Variants in ZZEF1 observed in about 807,000 individuals in gnomAD.
ZZEF1 encodes the protein zinc finger ZZ-type and EF-hand domain containing 1, also known as zinc finger ZZ-type and EF-hand domain-containing protein 1.
Under a neutral mutation model 342.8 loss-of-function variants are expected in ZZEF1, and 157 were observed. The observed-to-expected ratio is 0.46, with a 90% CI of 0.40 to 0.52. ZZEF1 has a LOEUF of 0.52. Ranked by LOEUF, ZZEF1 falls within the 20% of genes least tolerant of loss-of-function variation. The pLI is 0.00. For synonymous variants in ZZEF1, 1,505 were observed against 1,429.1 expected (o/e 1.05, Z -1.20); for missense variants, 3,480 against 3,725.6 (o/e 0.93, Z 1.72).
chr17:4,119,165 G>A (rs969768100), intron 2 of ZZEF1, among the ~76,000 whole-genome samples: 1 of 152,216 alleles, frequency 6.6e-6, no homozygotes, highest in Non-Finnish European at 1.5e-5. Context: ...GTGTTAATTT[G>A]CTCAAGCAAT....
At chr17:4,044,161 A>T in intron 38 of ZZEF1, 63 bp downstream of exon 38, 1 of 1,571,542 alleles carries the variant, frequency 6.4e-7, no homozygotes, top group Non-Finnish European at 8.7e-7. Flanking sequence ...CAAACAGCTC[A>T]GGGATGGGTA....
intron 2 of ZZEF1, 131 bp downstream of exon 2, chr17:4,123,776 A>T: frequency 9.7e-7 from 1 of 1,026,734 alleles, no homozygotes; most frequent in South Asian, 1.9e-5. Context: ...GGAAATGCTA[A>T]TTCAGATCGG....
intron 38 of ZZEF1, 89 bp from the exon 39 acceptor site, chr17:4,042,657 T>C: frequency 7.7e-7 from 1 of 1,295,866 alleles, no homozygotes; most frequent in Non-Finnish European, 1.1e-6. Context: ...CCTGTGCTGC[T>C]ACGGAATAAA....
chr17:4,114,262 A>C (rs773301447), intron 4 of ZZEF1, 37 bp downstream of exon 4: 1 of 1,462,636 alleles, frequency 6.8e-7, no homozygotes, highest in South Asian at 1.5e-5. Flanking sequence ...AACAATCCAA[A>C]ATTTTAAAAA....
intron 2 of ZZEF1, among the ~76,000 whole-genome samples, chr17:4,120,686 A>T (rs2145533960): frequency 6.6e-6 from 1 of 152,320 alleles, no homozygotes; most frequent in African/African-American, 2.4e-5. Context: ...CATGCCTGTA[A>T]TCCCCACATT....
chr17:4,016,670 CCTTTCAGAATGATGCTACTTAGAGGTGG>C lies in ZZEF1; in HGVS notation c.8002-232_8002-205del. 1.8e-6 allele frequency: 1 copy of C among 556,710 alleles called. No homozygotes were observed. Among genetic ancestry groups the C allele is most frequent in the Non-Finnish European group, 3.1e-6 (1 of 317,960 alleles). 34.5% of individuals were successfully genotyped at this position (556,710 alleles called of 1,614,324 possible). A position where few individuals can be genotyped will look rare whatever the true frequency, so the allele number is the denominator to read the frequency against. ...TTGGTGTCAATCAGGACACTGCAGT[CCTTTCAGAATGATGCTACTTAGAGGTGG>C]TCTGAAAGAACTAACTGAACCAATC... On this transcript the variant is annotated intron_variant, in intron 48 of 54. Transcript: ENST00000381638. This position sits in a 1 kb window ranked among gnomAD's most constrained non-coding sequence, Gnocchi z 4.4.
At chr17:4,013,725 C>T in intron 51 of ZZEF1, 111 bp from the exon 52 acceptor site, 4 of 1,221,786 alleles carry the variant, frequency 3.3e-6, no homozygotes, top group Non-Finnish European at 4.4e-6. Flanking sequence ...ATTTTATAAA[C>T]TGCTCAAATT....
rs758597335 is a variant in ZZEF1, at chr17:4,087,414, T to C, written c.2342+20A>G. On this transcript the variant is annotated intron_variant, in intron 14 of 54. Coordinates refer to ENST00000381638, the MANE Select transcript of ZZEF1 (RefSeq NM_015113.4). Reference sequence around the variant, plus strand: ...TTTTCAGTTTATGTGCTTATCACCTTATAACAAATTCTGACCTACTTTTGC... The same window carrying C: ...TTTTCAGTTTATGTGCTTATCACCTCATAACAAATTCTGACCTACTTTTGC... 6.3e-7 allele frequency: 1 copy of C among 1,586,602 alleles called. No individual in the cohort carries two copies. The highest frequency in any genetic ancestry group is 8.6e-7 in the Non-Finnish European group (1 of 1,162,196).
chr17:4,009,096 T>C, intron 53 of ZZEF1, 142 bp from the exon 54 acceptor site: 4 of 1,038,460 alleles, frequency 3.9e-6, no homozygotes, highest in South Asian at 3.2e-5. Flanking sequence ...CGCGTGGCAC[T>C]GCCTTGCTCA....
chr17:4,122,152 T>C (rs907265004), intron 2 of ZZEF1, among the ~76,000 whole-genome samples: 3 of 152,118 alleles, frequency 2.0e-5, no homozygotes, highest in South Asian at 2.1e-4. Flanking sequence ...TTTGCCTCCA[T>C]TGCTGCCCTA....
At position 4,081,456 on chromosome 17, in the gene ZZEF1, C is replaced by T; in HGVS notation, c.2749G>A (p.Glu917Lys). 6.2e-7 allele frequency: 1 copy of T among 1,614,096 alleles called. No individual in the cohort carries two copies. Among genetic ancestry groups the T allele is most frequent in the Non-Finnish European group, 8.5e-7 (1 of 1,180,010 alleles). ...TTCATCTTGGCCAGGTCGTTCTTCT[C>T]AGGTAAAAGAAGAAGGCCGCCTGGA... ...KDPGGLLLLP[E>K]KNDLAKMNIS... The change falls in exon 18 of 55, where the codon GAG becomes AAG. Residue 917 changes from glutamate (E) to lysine (K), a missense_variant. Glu to Lys is a moderately conservative substitution (Grantham distance 56). Around this residue, in one of 5 missense-constraint regions of ZZEF1, gnomAD observed 1,528 missense variants for 1,624.1 expected, o/e 0.94. Coordinates refer to ENST00000381638, the MANE Select transcript of ZZEF1 (RefSeq NM_015113.4).
At chr17:4,053,895 T>C (rs1297122509) in intron 34 of ZZEF1, among the ~76,000 whole-genome samples, 162 bp downstream of exon 34, 1 of 152,150 alleles carries the variant, frequency 6.6e-6, no homozygotes, top group Non-Finnish European at 1.5e-5. Context: ...GAGCTTTTCA[T>C]TTAGTTGAGG....
rs745423949 is a variant in ZZEF1 at position 4,087,467 on chromosome 17, A to T, written c.2309T>A (p.Ile770Asn). The T allele has an allele frequency of 1.7e-5, 27 of 1,611,816 alleles. No homozygotes were observed. Among genetic ancestry groups the T allele is most frequent in the Non-Finnish European group, 2.3e-5 (27 of 1,179,472 alleles). The change falls in exon 14 of 55, where the codon ATC (isoleucine) becomes AAC (asparagine). Residue 770 changes from isoleucine (I) to asparagine (N), a missense_variant. This residue lies in a region of ZZEF1 where 1,528 missense variants were observed against 1,624.1 expected (regional missense o/e 0.94). Coordinates refer to ENST00000381638, the MANE Select transcript of ZZEF1 (RefSeq NM_015113.4). The part of the protein sequence containing the change: ...FLDFAGLDLQ[I>N]FWNFYSKLKQ... ...TAATTTACTGTAAAAATTCCAGAAG[A>T]TCTGCAAATCAAGACCCGCGAAGTC...
At chr17:4,064,242 A>G in intron 29 of ZZEF1, 119 bp downstream of exon 29, 1 of 828,216 alleles carries the variant, frequency 1.2e-6, no homozygotes, top group South Asian at 2.4e-5. Context: ...TTCTAAAACA[A>G]GTCTTGATCT....
intron 43 of ZZEF1, among the ~76,000 whole-genome samples, chr17:4,024,108 T>C (rs1011613251): frequency 4.0e-5 from 6 of 151,102 alleles, no homozygotes; most frequent in Admixed American, 2.6e-4. Context: ...TGAAAAATCA[T>C]TCCTCCCAAT....
At chr17:4,032,770 T>G in intron 41 of ZZEF1, 58 bp downstream of exon 41, 1 of 1,568,388 alleles carries the variant, frequency 6.4e-7, no homozygotes, top group East Asian at 2.3e-5. Flanking sequence ...GAGGCTTTGG[T>G]GTGTATAGTG....
chr17:4,140,884 A>AT (rs1331868911), intron 1 of ZZEF1, among the ~76,000 whole-genome samples: 1 of 150,800 alleles, frequency 6.6e-6, no homozygotes, highest in Non-Finnish European at 1.5e-5. Context: ...GGAAAAAAAA[A>AT]GGAGATCTTT....
chr17:4,080,569 T>G (rs2057704493), intron 18 of ZZEF1, among the ~76,000 whole-genome samples: 2 of 152,126 alleles, frequency 1.3e-5, no homozygotes, highest in Non-Finnish European at 1.5e-5. Flanking sequence ...CTCAGCTAAT[T>G]TTGTATTTTT....
At chr17:4,129,778 G>C (rs147472073) in intron 1 of ZZEF1, among the ~76,000 whole-genome samples, 78 of 151,804 alleles carry the variant, frequency 5.1e-4, no homozygotes, top group Admixed American at 8.5e-4. Context: ...TGGAGAAAAA[G>C]AAAAGAATAA....
Sources: gnomAD v4.1 joint callset for allele counts (sites outside exome capture counted in the v4.1 genomes callset) on GRCh38, gnomAD v4.1.1 for gene constraint, gnomAD v4.1.1 regional missense constraint, Gnocchi (gnomAD v3.1) non-coding constraint, MANE v1.5 for transcripts, NCBI Gene and HGNC (gene_info 2026-07-23, HGNC 2026-07-21) for gene names.